Variants in CSMD1 observed in about 807,000 individuals in gnomAD.
CSMD1 encodes the protein CUB and sushi domain-containing protein 1.
CSMD1 carries 213 observed loss-of-function variants against 417.5 expected under a neutral mutation model. The observed-to-expected ratio is 0.51, with a 90% CI of 0.46 to 0.57. The LOEUF is 0.57. Ranked by LOEUF, CSMD1 falls within the 20% of genes least tolerant of loss-of-function variation. CSMD1 has a pLI of 0.00. For synonymous variants in CSMD1, 2,862 were observed against 1,736.8 expected (o/e 1.65, Z -16.11); for missense variants, 6,923 against 4,529.7 (o/e 1.53, Z -15.17).
intron 57 of CSMD1, among the ~76,000 whole-genome samples, chr8:2,969,314 G>C (rs1194666585): frequency 6.6e-6 from 1 of 152,122 alleles, no homozygotes; most frequent in East Asian, 1.9e-4. Context: ...ATCTGAAAGA[G>C]AATTAAGAGT....
chr8:4,952,792 T>C (rs953893038), intron 1 of CSMD1, among the ~76,000 whole-genome samples: 5 of 152,144 alleles, frequency 3.3e-5, no homozygotes, highest in Non-Finnish European at 7.4e-5. Flanking sequence ...TACATCCTAA[T>C]GAAACAATAC....
intron 10 of CSMD1, among the ~76,000 whole-genome samples, chr8:3,544,126 A>G (rs1798557656): frequency 6.6e-6 from 1 of 152,120 alleles, no homozygotes; most frequent in African/African-American, 2.4e-5. Context: ...TGGTAAAACG[A>G]GCCTGGGACG....
At chr8:4,788,636 T>G (rs1441856540) in intron 1 of CSMD1, 1 of 766,538 alleles carries the variant, frequency 1.3e-6, no homozygotes, top group Non-Finnish European at 2.1e-6. Flanking sequence ...AATTTCTAAT[T>G]TAGCTGAAGG....
Position 4,685,498 on chromosome 8 carries a change from C to G in CSMD1, c.86-47940G>C, listed in dbSNP as rs1432712991. On this transcript the variant is annotated intron_variant, in intron 1 of 69. Coordinates refer to ENST00000635120, the MANE Select transcript of CSMD1 (RefSeq NM_033225.6). ...GCTGAGGCAGGAGAATCGCTTAGAACTCAGGAGGCGGAGGTTGCAGTGAGT... is the reference window on the plus strand; with the variant it reads ...GCTGAGGCAGGAGAATCGCTTAGAAGTCAGGAGGCGGAGGTTGCAGTGAGT... Among the ~76,000 whole-genome samples, 10 of 152,178 alleles carry G rather than the reference C, an allele frequency of 6.6e-5. No individual in the cohort carries two copies. The South Asian group carries it at 2.1e-3, about 32-fold the overall frequency.
intron 8 of CSMD1, among the ~76,000 whole-genome samples, chr8:3,593,123 G>T (rs1414877156): frequency 6.6e-6 from 1 of 152,252 alleles, no homozygotes; most frequent in Non-Finnish European, 1.5e-5. Flanking sequence ...GCCAGAACTT[G>T]TCACTGGAGC....
intron 30 of CSMD1, among the ~76,000 whole-genome samples, chr8:3,212,182 T>A (rs1585670540): frequency 6.6e-6 from 1 of 152,162 alleles, no homozygotes; most frequent in African/African-American, 2.4e-5. Context: ...GAAGCTCCCA[T>A]ATGCTTCTTA....
intron 26 of CSMD1, among the ~76,000 whole-genome samples, chr8:3,269,452 C>A (rs536448583): frequency 6.6e-6 from 1 of 152,210 alleles, no homozygotes; most frequent in African/African-American, 2.4e-5. Context: ...TGGGCAGCAC[C>A]AAAGGCCTCT....
chr8:3,743,274 C>A (rs767962175), intron 6 of CSMD1, among the ~76,000 whole-genome samples: 2 of 152,146 alleles, frequency 1.3e-5, no homozygotes, highest in Non-Finnish European at 2.9e-5. Context: ...ATTCAAGGAA[C>A]ATGAAGCGAA....
chr8:3,578,837 G>A (rs933284779), intron 9 of CSMD1, among the ~76,000 whole-genome samples: 4 of 152,192 alleles, frequency 2.6e-5, no homozygotes, highest in African/African-American at 9.7e-5. Flanking sequence ...AACGAAGTAT[G>A]TGATTAACCA....
chr8:3,132,308 T>A (rs944073157), intron 41 of CSMD1, among the ~76,000 whole-genome samples: 3 of 152,228 alleles, frequency 2.0e-5, no homozygotes, highest in South Asian at 2.1e-4. Context: ...TCCTAGCTCT[T>A]GGCACAGAAA....
chr8:4,516,653 C>G (rs1471642629), intron 2 of CSMD1, among the ~76,000 whole-genome samples: 1 of 152,132 alleles, frequency 6.6e-6, no homozygotes, highest in Non-Finnish European at 1.5e-5. Context: ...TCCTGCCTCT[C>G]TCAAGTTCTT....
chr8:4,313,958 G>A (rs868588581), intron 3 of CSMD1, among the ~76,000 whole-genome samples: 10 of 151,770 alleles, frequency 6.6e-5, no homozygotes, highest in African/African-American at 9.7e-5. Flanking sequence ...AGGTTGCAGC[G>A]AGCCGAGACT....
intron 12 of CSMD1, among the ~76,000 whole-genome samples, chr8:3,433,054 T>C (rs1054814421): frequency 2.6e-5 from 4 of 152,220 alleles, no homozygotes; most frequent in Non-Finnish European, 4.4e-5. Context: ...TTGAAAACTG[T>C]GTCATAGCAA....
chr8:4,657,954 T>C (rs973130154), intron 1 of CSMD1, among the ~76,000 whole-genome samples: 1 of 150,170 alleles, frequency 6.7e-6, no homozygotes, highest in African/African-American at 2.4e-5. Flanking sequence ...TATAAACTCA[T>C]GAGAAGGTTT....
intron 23 of CSMD1, among the ~76,000 whole-genome samples, chr8:3,342,899 ATG>A (rs57528661): frequency 0.64 from 91,983 of 142,842 alleles, 28,185 homozygotes; most frequent in East Asian, 0.81. Context: ...ATATGTGTGT[ATG>A]TGTGTGTGTG....
At chr8:2,968,994 T>C (rs1405543949) in intron 57 of CSMD1, among the ~76,000 whole-genome samples, 1 of 152,164 alleles carries the variant, frequency 6.6e-6, no homozygotes, top group Admixed American at 6.5e-5. Context: ...GTACTGTTCA[T>C]TTTGCATGCT....
chr8:3,674,126 C>G (rs1298454478), intron 7 of CSMD1, among the ~76,000 whole-genome samples: 1 of 151,272 alleles, frequency 6.6e-6, no homozygotes, highest in African/African-American at 2.4e-5. Flanking sequence ...AAAAATCTCC[C>G]TAGAAACTGT....
chr8:3,889,806 T>C (rs1806832753), intron 5 of CSMD1, among the ~76,000 whole-genome samples: 1 of 152,048 alleles, frequency 6.6e-6, no homozygotes. Flanking sequence ...TACTCTTCTG[T>C]TGCAAATTCT....
chr8:4,710,161 C>T (rs1808197836), intron 1 of CSMD1, among the ~76,000 whole-genome samples: 1 of 151,930 alleles, frequency 6.6e-6, no homozygotes, highest in Non-Finnish European at 1.5e-5. Flanking sequence ...TTCCTGTCTG[C>T]ATGCTTTCCT....
Sources: gnomAD v4.1 joint callset for allele counts (sites outside exome capture counted in the v4.1 genomes callset) on GRCh38, gnomAD v4.1.1 for gene constraint, MANE v1.5 for transcripts, NCBI Gene and HGNC (gene_info 2026-07-23, HGNC 2026-07-21) for gene names.